Variants in CSMD1 observed in about 807,000 individuals in gnomAD.
CSMD1 encodes CUB and Sushi multiple domains 1.
A neutral mutation model predicts 417.5 loss-of-function variants in CSMD1; 213 were observed. The ratio of observed to expected loss-of-function variants is 0.51; its 90% CI spans 0.46 to 0.57. The LOEUF (loss-of-function observed/expected upper bound fraction) is 0.57, where lower values mean the gene tolerates loss of function less well. Ranked by LOEUF, CSMD1 falls within the 20% of genes least tolerant of loss-of-function variation. The probability of loss-of-function intolerance (pLI) is 0.00; values close to 1 mark genes in which losing one functional copy is unlikely to be tolerated. For missense variants in CSMD1, 6,923 were observed against 4,529.7 expected (o/e 1.53, Z -15.17); for synonymous variants, 2,862 against 1,736.8 (o/e 1.65, Z -16.11).
intron 1 of CSMD1, among the ~76,000 whole-genome samples, chr8:4,847,777 AT>A (rs34765624): frequency 0.3 from 40,797 of 137,992 alleles, 5,752 homozygotes; most frequent in Non-Finnish European, 0.36. Context: ...CTCTATCGGG[AT>A]TTTTTTTTTT....
At chr8:4,157,908 G>C (rs904078704) in intron 3 of CSMD1, among the ~76,000 whole-genome samples, 4 of 152,094 alleles carry the variant, frequency 2.6e-5, no homozygotes, top group African/African-American at 4.8e-5. Flanking sequence ...GCTGAACTTG[G>C]GCTTGTCCCT....
intron 3 of CSMD1, among the ~76,000 whole-genome samples, chr8:4,322,828 C>G (rs1235276049): frequency 6.6e-6 from 1 of 152,118 alleles, no homozygotes; most frequent in Admixed American, 6.6e-5. Flanking sequence ...AACCCCAACT[C>G]TCCTACAAAC....
At chr8:4,136,839 A>G (rs1332841602) in intron 3 of CSMD1, among the ~76,000 whole-genome samples, 1 of 152,178 alleles carries the variant, frequency 6.6e-6, no homozygotes, top group Non-Finnish European at 1.5e-5. Flanking sequence ...ATGTTTGACA[A>G]ACTCTAGGTT....
At chr8:3,400,892 G>C (rs148286157) in intron 15 of CSMD1, among the ~76,000 whole-genome samples, 238 of 151,202 alleles carry the variant, frequency 1.6e-3, no homozygotes, top group African/African-American at 4.9e-3. Flanking sequence ...TATGAAAGCA[G>C]GGTAATTTTT....
chr8:3,022,116 CACCCGCAATCCCACAGCATCCA>C, intron 51 of CSMD1, among the ~76,000 whole-genome samples: 1 of 150,084 alleles, frequency 6.7e-6, no homozygotes, highest in East Asian at 2.0e-4. Context: ...ATCCGGAATA[CACCCGCAATCCCACAGCATCCA>C]GAATGCACCT....
chr8:4,519,522 C>G (rs1030814650), intron 2 of CSMD1, among the ~76,000 whole-genome samples: 5 of 151,500 alleles, frequency 3.3e-5, no homozygotes, highest in African/African-American at 9.7e-5. Flanking sequence ...GGTGGATCAT[C>G]TGAGGTCAGG....
intron 20 of CSMD1, among the ~76,000 whole-genome samples, chr8:3,363,082 A>G (rs1386197406): frequency 6.6e-6 from 1 of 152,162 alleles, no homozygotes; most frequent in Non-Finnish European, 1.5e-5. Flanking sequence ...GTCTGGCCAC[A>G]GTGCCCCTCT....
At chr8:3,725,075 A>C (rs972378073) in intron 6 of CSMD1, among the ~76,000 whole-genome samples, 7 of 152,192 alleles carry the variant, frequency 4.6e-5, no homozygotes, top group Non-Finnish European at 1.0e-4. Context: ...GCAGGAGGTT[A>C]AGGGCCCTCA....
At chr8:4,416,832 T>G (rs1483058846) in intron 3 of CSMD1, among the ~76,000 whole-genome samples, 1 of 152,056 alleles carries the variant, frequency 6.6e-6, no homozygotes, top group Non-Finnish European at 1.5e-5. Flanking sequence ...TTTTAATACT[T>G]GAGATTTTGA....
At chr8:3,417,215 G>T (rs780036302) in intron 12 of CSMD1, among the ~76,000 whole-genome samples, 5 of 152,306 alleles carry the variant, frequency 3.3e-5, no homozygotes, top group African/African-American at 1.2e-4. Context: ...GTACTATGAT[G>T]ATGTTCCATA....
At chr8:4,017,574 G>A (rs916228028) in intron 4 of CSMD1, among the ~76,000 whole-genome samples, 5 of 152,068 alleles carry the variant, frequency 3.3e-5, no homozygotes, top group African/African-American at 1.2e-4. Flanking sequence ...CCAAAGTGCT[G>A]GAATTACAGG....
intron 12 of CSMD1, among the ~76,000 whole-genome samples, chr8:3,448,550 G>C (rs960573641): frequency 6.6e-6 from 1 of 151,982 alleles, no homozygotes; most frequent in African/African-American, 2.4e-5. Flanking sequence ...AAGGTTTAAA[G>C]AAAAGTGAAG....
chr8:4,763,015 G>A (rs897248815), intron 1 of CSMD1, among the ~76,000 whole-genome samples: 1 of 152,158 alleles, frequency 6.6e-6, no homozygotes, highest in Non-Finnish European at 1.5e-5. Flanking sequence ...AAGACAGACT[G>A]TGAGTTTACC....
chr8:4,942,944 T>C (rs976962790), intron 1 of CSMD1, among the ~76,000 whole-genome samples: 7 of 152,186 alleles, frequency 4.6e-5, no homozygotes, highest in African/African-American at 1.7e-4. Context: ...ATGATGGGTG[T>C]GCATTCAGGA....
intron 1 of CSMD1, among the ~76,000 whole-genome samples, chr8:4,833,469 T>A (rs186324955): frequency 6.6e-6 from 1 of 152,160 alleles, no homozygotes. Flanking sequence ...TACCTCAGCA[T>A]TGGGGATTAC....
chr8:3,408,230 G>A lies in CSMD1; in HGVS notation c.1745-5C>T, dbSNP rs781719094. The A allele has an allele frequency of 1.3e-6, 2 of 1,582,296 alleles. No homozygotes were observed. Among genetic ancestry groups the A allele is most frequent in the South Asian group, 1.1e-5 (1 of 87,538 alleles). ...TAAAGTTGAAGAAACATGAAACTGT[G>A]AAGATGCAAATATATTTTCAAACAG... On this transcript the variant is annotated splice_region_variant and splice_polypyrimidine_tract_variant and intron_variant, in intron 13 of 69. Coordinates refer to ENST00000635120, the MANE Select transcript of CSMD1 (RefSeq NM_033225.6).
intron 3 of CSMD1, 26 bp from the exon 4 acceptor site, chr8:4,032,125 A>T (rs770895688): frequency 1.9e-6 from 3 of 1,558,626 alleles, no homozygotes; most frequent in Non-Finnish European, 2.6e-6. Context: ...AAGAAAGGAG[A>T]AAAAACAAGT....
At chr8:3,217,826 G>C (rs893016317) in intron 29 of CSMD1, among the ~76,000 whole-genome samples, 3 of 151,946 alleles carry the variant, frequency 2.0e-5, no homozygotes, top group Non-Finnish European at 4.4e-5. Context: ...CTGGTAATGA[G>C]GTAAGAGACA....
chr8:3,462,585 C>T (rs1816574695), intron 12 of CSMD1, among the ~76,000 whole-genome samples: 1 of 152,152 alleles, frequency 6.6e-6, no homozygotes, highest in Non-Finnish European at 1.5e-5. Context: ...ATGGGACTGT[C>T]TAGTTGCAGG....
Sources: gnomAD v4.1 joint callset for allele counts (sites outside exome capture counted in the v4.1 genomes callset) on GRCh38, gnomAD v4.1.1 for gene constraint, MANE v1.5 for transcripts, NCBI Gene and HGNC (gene_info 2026-07-23, HGNC 2026-07-21) for gene names.